C2CD5: variants seen among roughly 807,000 people sequenced by gnomAD.
C2CD5 encodes C2 calcium dependent domain containing 5, also known as C2 domain-containing protein 5.
C2CD5 carries 109 observed loss-of-function variants against 130.3 expected under a neutral mutation model. The ratio of observed to expected loss-of-function variants is 0.84; its 90% CI spans 0.72 to 0.98. The LOEUF is 0.98. Ranked by LOEUF, C2CD5 falls within the 50% of genes least tolerant of loss-of-function variation. The pLI, the probability that C2CD5 is intolerant of heterozygous loss-of-function variation, is 0.00. For synonymous variants in C2CD5, 454 were observed against 429.2 expected (o/e 1.06, Z -0.71); for missense variants, 996 against 1,261.8 (o/e 0.79, Z 3.19).
At chr12:22,496,678 C>T (rs1005776741) in intron 10 of C2CD5, among the ~76,000 whole-genome samples, 1 of 149,066 alleles carries the variant, frequency 6.7e-6, no homozygotes, top group East Asian at 1.9e-4. Context: ...TTTTTATATA[C>T]AAATTATATA....
intron 3 of C2CD5, among the ~76,000 whole-genome samples, chr12:22,530,105 T>C (rs1163831130): frequency 4.5e-4 from 52 of 114,556 alleles, no homozygotes; most frequent in Middle Eastern, 4.1e-3. Context: ...TATATATATA[T>C]ATATATACAC....
chr12:22,535,445 G>C, intron 2 of C2CD5, 101 bp from the exon 3 acceptor site: 1 of 665,574 alleles, frequency 1.5e-6, no homozygotes, highest in South Asian at 1.7e-5. Context: ...CCATAAAGGG[G>C]ACAAAAGACT....
chr12:22,470,118 C>T lies in C2CD5; in HGVS notation c.2447-323G>A, dbSNP rs138430385. ...TTGTCCATTACTAGCTTTTGTGATACTTAAACCGGTTACATGTCTTCTTTG... is the reference window on the plus strand; with the variant it reads ...TTGTCCATTACTAGCTTTTGTGATATTTAAACCGGTTACATGTCTTCTTTG... On this transcript the variant is annotated intron_variant, in intron 21 of 26. Coordinates refer to ENST00000446597, the MANE Select transcript of C2CD5 (RefSeq NM_001286176.2). 6.5e-3 allele frequency among the ~76,000 whole-genome samples: 982 copies of T among 152,170 alleles called. 12 individuals carry two copies. The highest frequency in any genetic ancestry group is 0.023 in the African/African-American group (942 of 41,550).
chr12:22,501,270 C>A (rs1947749707), intron 10 of C2CD5, among the ~76,000 whole-genome samples: 1 of 152,138 alleles, frequency 6.6e-6, no homozygotes, highest in African/African-American at 2.4e-5. Context: ...GCAAGATATA[C>A]TGCTTCCTCA....
At chr12:22,540,542 T>C (rs930652709) in intron 2 of C2CD5, among the ~76,000 whole-genome samples, 1 of 152,214 alleles carries the variant, frequency 6.6e-6, no homozygotes, top group African/African-American at 2.4e-5. Flanking sequence ...ATTATGGTCA[T>C]GAAAAAGTAC....
chr12:22,520,589 GTTTTTA>G (rs1462853874), intron 7 of C2CD5, among the ~76,000 whole-genome samples: 1 of 151,960 alleles, frequency 6.6e-6, no homozygotes, highest in Non-Finnish European at 1.5e-5. Flanking sequence ...TTTTGTTTTT[GTTTTTA>G]TTTCTCCACT....
chr12:22,452,043 C>T (rs1938745820), intron 26 of C2CD5, among the ~76,000 whole-genome samples: 1 of 152,092 alleles, frequency 6.6e-6, no homozygotes. Context: ...GATTTTGAGG[C>T]ACTTGTTAAG....
chr12:22,537,221 C>T (rs1017896899), intron 2 of C2CD5, among the ~76,000 whole-genome samples: 1 of 152,138 alleles, frequency 6.6e-6, no homozygotes, highest in African/African-American at 2.4e-5. Context: ...AGTCCACAAA[C>T]TGCTTTAAAC....
At chr12:22,530,383 T>C (rs1356592370) in intron 3 of C2CD5, among the ~76,000 whole-genome samples, 1 of 151,294 alleles carries the variant, frequency 6.6e-6, no homozygotes, top group Non-Finnish European at 1.5e-5. Flanking sequence ...ATGTTAACTA[T>C]AAACACAAAG....
intron 12 of C2CD5, among the ~76,000 whole-genome samples, chr12:22,488,280 A>C (rs1184784292): frequency 6.6e-6 from 1 of 152,206 alleles, no homozygotes; most frequent in Non-Finnish European, 1.5e-5. Context: ...ATGACAGCTG[A>C]CTTCAAGGCA....
chr12:22,457,845 T>A (rs994290054), intron 24 of C2CD5, among the ~76,000 whole-genome samples: 1 of 152,144 alleles, frequency 6.6e-6, no homozygotes, highest in African/African-American at 2.4e-5. Flanking sequence ...TTAGAGAAGT[T>A]AAGTAACTTG....
In C2CD5 at chr12:22,524,820, T is replaced by C. The variant is rs73265556; in HGVS notation, c.446-193A>G. ...CATTTTTAGAAATAATTATTGTCTT[T>C]CATGGAGGCTCTCACCTTTCTCATG... On this transcript the variant is annotated intron_variant, in intron 5 of 26. Coordinates refer to ENST00000446597, the MANE Select transcript of C2CD5 (RefSeq NM_001286176.2). Among the ~76,000 whole-genome samples, 1,062 of 152,324 alleles carry C rather than the reference T, an allele frequency of 7.0e-3. 15 individuals are homozygous for C. The highest frequency in any genetic ancestry group is 0.024 in the African/African-American group (1,007 of 41,566).
chr12:22,526,617 A>G (rs995944692), intron 4 of C2CD5, among the ~76,000 whole-genome samples: 3 of 152,284 alleles, frequency 2.0e-5, no homozygotes, highest in African/African-American at 7.2e-5. Flanking sequence ...CATGCCTGTA[A>G]TCTCAGTGCT....
Position 22,499,966 on chromosome 12 carries a change from T to A in C2CD5, c.1148-6629A>T, listed in dbSNP as rs201170196. The stretch of plus-strand genomic sequence containing the variant: ...ACTTTGGGAGGCTGAGGCAGATGGA[T>A]CCCTTGAGGTCAGAAGTTCGAGATC... On this transcript the variant is annotated intron_variant, in intron 10 of 26. Transcript: ENST00000446597. Among the ~76,000 whole-genome samples the A allele has an allele frequency of 3.3e-5, 5 of 152,264 alleles. No homozygotes were observed. In the East Asian group the frequency reaches 7.7e-4, roughly 24 times the overall value.
chr12:22,462,330 CAATT>C (rs147709329), intron 22 of C2CD5, among the ~76,000 whole-genome samples: 9 of 152,266 alleles, frequency 5.9e-5, no homozygotes, highest in East Asian at 5.8e-4. Context: ...CAAACAGTCT[CAATT>C]AAGCCACACA....
intron 10 of C2CD5, chr12:22,497,532 A>T: frequency 1.9e-6 from 1 of 527,106 alleles, no homozygotes; most frequent in Non-Finnish European, 2.4e-6. Flanking sequence ...ATACAATGAT[A>T]ATCTATCATG....
chr12:22,502,234 T>A (rs1178048438), intron 10 of C2CD5, among the ~76,000 whole-genome samples: 2 of 152,134 alleles, frequency 1.3e-5, no homozygotes, highest in Non-Finnish European at 2.9e-5. Flanking sequence ...AGTCTATTCT[T>A]AGTTATCTAA....
intron 8 of C2CD5, among the ~76,000 whole-genome samples, chr12:22,516,427 T>C (rs1232314837): frequency 6.6e-6 from 1 of 151,656 alleles, no homozygotes; most frequent in African/African-American, 2.4e-5. Flanking sequence ...AATATAGGAA[T>C]ACATGAGAAT....
At position 22,513,348 on chromosome 12, in the gene C2CD5, C is replaced by T; in HGVS notation, c.984G>A (p.Gly328=). 6.2e-7 allele frequency: 1 copy of T among 1,612,282 alleles called. No individual in the cohort carries two copies. Among genetic ancestry groups the T allele is most frequent in the Non-Finnish European group, 8.5e-7 (1 of 1,178,516 alleles). ...GTCTTAAAAGAGCTTTAAAGGGCCC[C>T]CCTTCTTTTCCAGCACTACCACTTC... ...GMGSGSAGKE[G]GPFKALLRQQ... is the part of the protein sequence containing the mutation. The change falls in exon 9 of 27, where the codon GGG becomes GGA. Residue 328 remains glycine, a synonymous_variant. Coordinates refer to ENST00000446597, the MANE Select transcript of C2CD5 (RefSeq NM_001286176.2).
Sources: allele counts gnomAD v4.1 joint callset (sites outside exome capture counted in the v4.1 genomes callset), GRCh38; gene constraint gnomAD v4.1.1; transcripts MANE v1.5; gene names NCBI Gene and HGNC (gene_info 2026-07-23, HGNC 2026-07-21).